ZNF521: variants seen among roughly 807,000 people sequenced by gnomAD.
The protein encoded by ZNF521 is LYST-interacting protein 3.
Under a neutral mutation model 105.5 loss-of-function variants are expected in ZNF521, and 14 were observed. The ratio of observed to expected loss-of-function variants is 0.13; its 90% confidence interval spans 0.09 to 0.21. The LOEUF (loss-of-function observed/expected upper bound fraction) is 0.21, where lower values mean the gene tolerates loss of function less well. Ranked by LOEUF, ZNF521 falls within the 10% of genes least tolerant of loss-of-function variation. The pLI is 1.00. For synonymous variants in ZNF521, 635 were observed against 606.0 expected (o/e 1.05, Z -0.70); for missense variants, 1,233 against 1,629.7 (o/e 0.76, Z 4.19).
intron 3 of ZNF521, among the ~76,000 whole-genome samples, chr18:25,254,237 C>G (rs141000284): frequency 3.9e-4 from 60 of 152,162 alleles, no homozygotes; most frequent in African/African-American, 1.4e-3. Flanking sequence ...ATCAATGAAG[C>G]AAGGTAAATG....
chr18:25,133,579 C>A (rs1219073454), intron 5 of ZNF521, among the ~76,000 whole-genome samples: 2 of 152,122 alleles, frequency 1.3e-5, no homozygotes, highest in African/African-American at 4.8e-5. Context: ...ATAAATTCTT[C>A]CTAGGTAATG....
At chr18:25,136,902 C>T (rs1176492111) in intron 5 of ZNF521, among the ~76,000 whole-genome samples, 1 of 151,946 alleles carries the variant, frequency 6.6e-6, no homozygotes, top group African/African-American at 2.4e-5. Flanking sequence ...GTGAGTGTGC[C>T]GAATGTGGTT....
intron 3 of ZNF521, among the ~76,000 whole-genome samples, chr18:25,280,706 C>G (rs902004792): frequency 3.3e-5 from 5 of 152,152 alleles, no homozygotes; most frequent in African/African-American, 1.2e-4. Flanking sequence ...GTTGATATCA[C>G]CCTTATTTGT....
intron 6 of ZNF521, 70 bp from the exon 7 acceptor site, chr18:25,089,650 A>G (rs12454983): frequency 0.13 from 167,519 of 1,258,356 alleles, 12,346 homozygotes; most frequent in African/African-American, 0.2. Flanking sequence ...ATGACTCTGC[A>G]TGAACAGACA....
intron 5 of ZNF521, among the ~76,000 whole-genome samples, chr18:25,120,434 A>G (rs2034411067): frequency 6.6e-6 from 1 of 152,090 alleles, no homozygotes. Flanking sequence ...AATACGAAAA[A>G]TTAGCTGGGT....
chr18:25,185,895 T>C (rs1251833104), intron 5 of ZNF521, among the ~76,000 whole-genome samples: 1 of 152,288 alleles, frequency 6.6e-6, no homozygotes, highest in African/African-American at 2.4e-5. Context: ...GTGTAACAAC[T>C]TGTGGCTTTG....
At position 25,291,790 on chromosome 18, in the gene ZNF521, T is replaced by C. The variant is rs74718435; in HGVS notation, c.220+30218A>G. Reference sequence around the variant, plus strand: ...TACAAGTGGTATTCCTATTTTTCAATTGAGGAAACTCGAGAAAATAGAATT... The same window carrying C: ...TACAAGTGGTATTCCTATTTTTCAACTGAGGAAACTCGAGAAAATAGAATT... On this transcript the variant is annotated intron_variant, in intron 3 of 7. Coordinates refer to ENST00000361524, the MANE Select transcript of ZNF521 (RefSeq NM_015461.3). Among the ~76,000 whole-genome samples the C allele has an allele frequency of 9.5e-3, 1,444 of 152,278 alleles. 9 individuals are homozygous for C. The highest frequency in any genetic ancestry group is 0.015 in the Non-Finnish European group (1,054 of 68,012).
intron 2 of ZNF521, among the ~76,000 whole-genome samples, chr18:25,350,246 GAGA>G (rs1362499185): frequency 2.0e-5 from 3 of 152,120 alleles, no homozygotes; most frequent in Admixed American, 6.5e-5. Context: ...GGGCGGCGGG[GAGA>G]AGTAGGGGCG....
chr18:25,324,398 C>CAAAA (rs34574068), intron 2 of ZNF521, among the ~76,000 whole-genome samples: 2 of 116,470 alleles, frequency 1.7e-5, no homozygotes, highest in Non-Finnish European at 3.6e-5. Flanking sequence ...GCAACAGATG[C>CAAAA]AAAAAAAAAA....
Position 25,225,057 on chromosome 18 carries a change from C to A in ZNF521, c.2861G>T (p.Gly954Val). The change falls in exon 4 of 8, where the codon GGC becomes GTC. Residue 954 changes from glycine to valine, a missense_variant. By Grantham distance (109) the Gly-to-Val change is moderately radical. Transcript: ENST00000361524. The surrounding 1 kb of genome is among the most constrained non-coding windows in gnomAD (Gnocchi z 5.6). ...GLREHMQTHLGPVKHYMCPIC... is the reference protein window; with the variant it reads ...GLREHMQTHLVPVKHYMCPIC... ...AGGGCACATGTAGTGTTTGACAGGG[C>A]CTAGGTGGGTCTGCATATGTTCCCG... 1 of 1,614,132 alleles carries A rather than the reference C, an allele frequency of 6.2e-7. No homozygotes were observed. Among genetic ancestry groups the A allele is most frequent in the Non-Finnish European group, 8.5e-7 (1 of 1,180,022 alleles).
chr18:25,109,739 T>C (rs1165636933), intron 5 of ZNF521, among the ~76,000 whole-genome samples: 2 of 152,212 alleles, frequency 1.3e-5, no homozygotes, highest in East Asian at 1.9e-4. Context: ...TGGCCACTTG[T>C]ATGTCTTCTT....
chr18:25,340,017 G>A (rs1914107142), intron 2 of ZNF521, among the ~76,000 whole-genome samples: 1 of 152,164 alleles, frequency 6.6e-6, no homozygotes, highest in East Asian at 1.9e-4. Flanking sequence ...AGATGAACAT[G>A]AATTGAAGGT....
At chr18:25,182,567 A>G (rs1163854150) in intron 5 of ZNF521, among the ~76,000 whole-genome samples, 1 of 152,074 alleles carries the variant, frequency 6.6e-6, no homozygotes, top group African/African-American at 2.4e-5. Flanking sequence ...TTCATTCTTT[A>G]TTATAAAATT....
intron 4 of ZNF521, among the ~76,000 whole-genome samples, chr18:25,205,130 C>A (rs1169218937): frequency 2.0e-5 from 2 of 102,110 alleles, no homozygotes; most frequent in East Asian, 2.8e-4. Flanking sequence ...AAATTGATGC[C>A]GTAGTGAAGG....
chr18:25,073,718 T>C (rs2033280993), intron 7 of ZNF521, among the ~76,000 whole-genome samples: 1 of 152,224 alleles, frequency 6.6e-6, no homozygotes, highest in Admixed American at 6.5e-5. Flanking sequence ...CCAATAATTA[T>C]GAAAAATAGT....
At chr18:25,064,791 T>C (rs1046005030) in intron 7 of ZNF521, among the ~76,000 whole-genome samples, 1 of 152,218 alleles carries the variant, frequency 6.6e-6, no homozygotes, top group African/African-American at 2.4e-5. Flanking sequence ...GTCTTCCTTG[T>C]TCCATTTCAA....
At chr18:25,183,898 A>T (rs1439553803) in intron 5 of ZNF521, among the ~76,000 whole-genome samples, 1 of 152,224 alleles carries the variant, frequency 6.6e-6, no homozygotes, top group Non-Finnish European at 1.5e-5. Flanking sequence ...GGCAAGGGAA[A>T]AAAAGAGCTT....
intron 5 of ZNF521, among the ~76,000 whole-genome samples, chr18:25,157,847 G>C (rs1312829926): frequency 1.3e-5 from 2 of 152,000 alleles, no homozygotes; most frequent in African/African-American, 4.8e-5. Flanking sequence ...GTCTCCTGGG[G>C]TTCTAGTGAT....
intron 5 of ZNF521, among the ~76,000 whole-genome samples, chr18:25,143,749 T>A (rs774134664): frequency 6.6e-5 from 10 of 152,162 alleles, no homozygotes; most frequent in Non-Finnish European, 1.3e-4. Flanking sequence ...AAAGTTGCGA[T>A]AACTATCCAT....
Sources: gnomAD v4.1 joint callset for allele counts (sites outside exome capture counted in the v4.1 genomes callset) on GRCh38, gnomAD v4.1.1 for gene constraint, Gnocchi (gnomAD v3.1) non-coding constraint, MANE v1.5 for transcripts, NCBI Gene and HGNC (gene_info 2026-07-23, HGNC 2026-07-21) for gene names.